The following EML6 variants were observed in gnomAD, a reference collection of about 807,000 sequenced individuals.
The protein encoded by EML6 is EMAP like 6.
EML6 carries 154 observed loss-of-function variants against 240.1 expected under a neutral mutation model. That is an observed-to-expected ratio of 0.64 (90% confidence interval 0.56 to 0.73). The LOEUF (loss-of-function observed/expected upper bound fraction) is 0.73. EML6 is among the 30% of genes least tolerant of loss of function. EML6 has a pLI of 0.00. For synonymous variants in EML6, 1,148 were observed against 899.0 expected (o/e 1.28, Z -4.95); for missense variants, 2,964 against 2,474.6 (o/e 1.20, Z -4.20).
intron 2 of EML6, among the ~76,000 whole-genome samples, chr2:54,795,603 C>T (rs570968290): frequency 1.1e-4 from 16 of 152,034 alleles, no homozygotes; most frequent in Admixed American, 9.8e-4. Flanking sequence ...GAGCATATGC[C>T]CCCAGGGAAT....
chr2:54,950,566 A>C (rs747925901), intron 29 of EML6, 84 bp from the exon 30 acceptor site: 21 of 1,462,492 alleles, frequency 1.4e-5, no homozygotes, highest in Non-Finnish European at 1.9e-5. Flanking sequence ...GGGACACACG[A>C]GGCTGCTCAC....
chr2:54,927,158 A>G (rs1674591540), intron 26 of EML6, among the ~76,000 whole-genome samples: 2 of 152,136 alleles, frequency 1.3e-5, no homozygotes, highest in Non-Finnish European at 2.9e-5. Flanking sequence ...CCTCCTGGAA[A>G]TCCTACCTGC....
At position 54,968,693 on chromosome 2, in the gene EML6, A is replaced by T; in HGVS notation, c.5777A>T (p.His1926Leu). 6.4e-7 allele frequency: 1 copy of T among 1,551,210 alleles called. No individual in the cohort carries two copies. The highest frequency in any genetic ancestry group is 8.7e-7 in the Non-Finnish European group (1 of 1,146,578). ...GCCAAACATAAGCGATACTTCGGTC[A>T]CTCGGCTCACGTGACGAACATCCGT... ...KFAKHKRYFG[H>L]SAHVTNIRFS... Residue 1926 changes from histidine (H) to leucine (L), a missense_variant, in exon 41 of 42, where the codon CAC becomes CTC. Physicochemically the swap from His to Leu is moderately conservative, Grantham distance 99 (BLOSUM62 -3). Coordinates refer to ENST00000356458, the MANE Select transcript of EML6 (RefSeq NM_001039753.4).
intron 8 of EML6, among the ~76,000 whole-genome samples, chr2:54,845,964 A>C (rs1360288386): frequency 1.3e-5 from 2 of 152,204 alleles, no homozygotes; most frequent in Non-Finnish European, 2.9e-5. Context: ...CAGATACCAC[A>C]ATTGCACCCA....
intron 3 of EML6, among the ~76,000 whole-genome samples, chr2:54,814,653 A>G (rs1482173673): frequency 6.6e-6 from 1 of 152,350 alleles, no homozygotes; most frequent in Non-Finnish European, 1.5e-5. Flanking sequence ...AATTATTCAT[A>G]GAGGCTTAAC....
chr2:54,741,276 T>TA (rs1255574191), intron 2 of EML6, among the ~76,000 whole-genome samples: 2 of 152,144 alleles, frequency 1.3e-5, no homozygotes, highest in Non-Finnish European at 2.9e-5. Flanking sequence ...CTTTGATGGT[T>TA]ACTCCCCTAG....
intron 2 of EML6, among the ~76,000 whole-genome samples, chr2:54,775,148 G>A (rs1283170640): frequency 6.6e-6 from 1 of 152,138 alleles, no homozygotes; most frequent in Non-Finnish European, 1.5e-5. Context: ...TATTCATTAT[G>A]GTAGCCAAAA....
intron 2 of EML6, among the ~76,000 whole-genome samples, chr2:54,798,300 G>T (rs1047308919): frequency 2.0e-5 from 3 of 152,098 alleles, no homozygotes; most frequent in African/African-American, 7.2e-5. Context: ...AGCCTCCTGA[G>T]TAGCTGGGAT....
At chr2:54,847,194 C>T (rs1319881688) in intron 8 of EML6, among the ~76,000 whole-genome samples, 4 of 152,198 alleles carry the variant, frequency 2.6e-5, no homozygotes, top group Non-Finnish European at 5.9e-5. Flanking sequence ...AGGCGTTGAG[C>T]CATCATGCCC....
chr2:54,941,879 C>G (rs1675446994), intron 28 of EML6, among the ~76,000 whole-genome samples: 1 of 152,238 alleles, frequency 6.6e-6, no homozygotes, highest in Admixed American at 6.5e-5. Context: ...CTGCAGCGAG[C>G]AGGTAGAAAT....
At chr2:54,879,376 T>C (rs904970339) in intron 16 of EML6, among the ~76,000 whole-genome samples, 171 bp from the exon 17 acceptor site, 1 of 152,240 alleles carries the variant, frequency 6.6e-6, no homozygotes, top group Middle Eastern at 3.2e-3. Flanking sequence ...GAGTATAGTG[T>C]GATGTTTCAG....
chr2:54,927,403 A>T (rs1340355724), intron 26 of EML6, among the ~76,000 whole-genome samples: 1 of 152,204 alleles, frequency 6.6e-6, no homozygotes, highest in Non-Finnish European at 1.5e-5. Flanking sequence ...TAAAATTTTC[A>T]TCTGGGATAC....
chr2:54,934,204 A>G (rs1410407836), intron 28 of EML6, among the ~76,000 whole-genome samples: 3 of 152,218 alleles, frequency 2.0e-5, no homozygotes, highest in Admixed American at 2.0e-4. Context: ...GAAGTGAAAA[A>G]TAAAAGTAGG....
At chr2:54,839,535 A>G (rs558515458) in intron 7 of EML6, among the ~76,000 whole-genome samples, 1 of 152,382 alleles carries the variant, frequency 6.6e-6, no homozygotes, top group South Asian at 2.1e-4. Flanking sequence ...ATTGCAAGCA[A>G]TGAAAATGTA....
Position 54,950,699 on chromosome 2 carries a change from A to G in EML6, c.4133A>G (p.Asn1378Ser). 1.3e-6 allele frequency: 2 copies of G among 1,551,674 alleles called. No individual in the cohort carries two copies. Among genetic ancestry groups the G allele is most frequent in the Middle Eastern group, 1.7e-4 (1 of 5,990 alleles). The change falls in exon 30 of 42, where the codon AAT becomes AGT. Residue 1378 changes from asparagine to serine, a missense_variant. Transcript: ENST00000356458. ...VFGYRGFDCRNNLHYLNDGAD... is the reference protein window; with the variant it reads ...VFGYRGFDCRSNLHYLNDGAD... ...GGCTACAGAGGTTTCGACTGTCGAA[A>G]TAACCTGCATTACCTTAATGATGGC...
intron 2 of EML6, among the ~76,000 whole-genome samples, chr2:54,727,435 T>C (rs1241388719): frequency 6.6e-6 from 1 of 152,244 alleles, no homozygotes; most frequent in African/African-American, 2.4e-5. Context: ...GCTATGAAAT[T>C]GGAATGTTTA....
Position 54,894,964 on chromosome 2 carries a change from T to A in EML6, c.2792T>A (p.Met931Lys), listed in dbSNP as rs527895576. ...KDGIVELWDD[M>K]FERCLKTYAI... ...GGCATCGTGGAGCTCTGGGATGATA[T>A]GTTTGAAAGATGTTTGAAGACTTAT... The change falls in exon 20 of 42, where the codon ATG becomes AAG. Residue 931 changes from methionine to lysine, a missense_variant. By Grantham distance (95) the Met-to-Lys change is moderately conservative. Coordinates refer to ENST00000356458, the MANE Select transcript of EML6 (RefSeq NM_001039753.4). 1.5e-5 allele frequency: 24 copies of A among 1,551,486 alleles called. No individual in the cohort carries two copies. The highest frequency in any genetic ancestry group is 2.0e-5 in the Non-Finnish European group (23 of 1,146,802).
chr2:54,728,933 C>G (rs548216840), intron 2 of EML6, among the ~76,000 whole-genome samples: 1 of 152,170 alleles, frequency 6.6e-6, no homozygotes, highest in Non-Finnish European at 1.5e-5. Flanking sequence ...TGGAATGATT[C>G]ATCTTCCCCG....
chr2:54,859,676 C>T lies in EML6; in HGVS notation c.1800C>T (p.Asn600=), dbSNP rs761964665. 40 of 1,545,316 alleles carry T rather than the reference C, an allele frequency of 2.6e-5. No homozygotes were observed. Among genetic ancestry groups the T allele is most frequent in the South Asian group, 1.7e-4 (14 of 82,164 alleles). Residue 600 remains asparagine (N), a synonymous_variant, in exon 12 of 42, where the codon AAC becomes AAT. Coordinates refer to ENST00000356458, the MANE Select transcript of EML6 (RefSeq NM_001039753.4). ...QWRFIPEGVS[N]GMLETAPQEG... is the part of the protein sequence containing the mutation. ...GGTTTATTCCAGAAGGTGTCAGCAACGGCATGCTGGAAACTGCACCCCAAG... is the reference window on the plus strand; with the variant it reads ...GGTTTATTCCAGAAGGTGTCAGCAATGGCATGCTGGAAACTGCACCCCAAG...
Sources: allele counts gnomAD v4.1 joint callset (sites outside exome capture counted in the v4.1 genomes callset), GRCh38; gene constraint gnomAD v4.1.1; transcripts MANE v1.5; gene names NCBI Gene and HGNC (gene_info 2026-07-23, HGNC 2026-07-21).